ZNF215: variants seen among roughly 807,000 people sequenced by gnomAD.
ZNF215 encodes zinc finger protein 215.
A neutral mutation model predicts 27.2 loss-of-function variants in ZNF215; 24 were observed. The ratio of observed to expected loss-of-function variants is 0.88; its 90% confidence interval spans 0.64 to 1.24. ZNF215 has a LOEUF of 1.24. ZNF215 is among the 50% of genes most tolerant of loss of function. The probability of loss-of-function intolerance (pLI) is 0.00; values close to 1 mark genes in which losing one functional copy is unlikely to be tolerated. For synonymous variants in ZNF215, 210 were observed against 204.0 expected (o/e 1.03, Z -0.25); for missense variants, 675 against 605.7 (o/e 1.11, Z -1.20).
chr11:6,984,842 A>G (rs1181279209), downstream of ZNF215, among the ~76,000 whole-genome samples: 3 of 91,514 alleles, frequency 3.3e-5, no homozygotes, highest in East Asian at 6.0e-4. Context: ...TTTCTCTTAT[A>G]GAAATAAAAA....
chr11:6,981,769 T>C (rs1209508438), intron 5 of ZNF215, among the ~76,000 whole-genome samples: 1 of 152,170 alleles, frequency 6.6e-6, no homozygotes, highest in Non-Finnish European at 1.5e-5. Flanking sequence ...TTAATCCATC[T>C]TGAATTAATT....
intron 6 of ZNF215, among the ~76,000 whole-genome samples, chr11:6,944,887 C>T (rs1270009458): frequency 6.6e-6 from 1 of 152,082 alleles, no homozygotes; most frequent in Non-Finnish European, 1.5e-5. Context: ...AATGTGGTTT[C>T]TAATTCCCAT....
At chr11:6,941,474 A>G (rs1218285077) in intron 3 of ZNF215, 97 bp from the exon 4 acceptor site, 1 of 1,065,652 alleles carries the variant, frequency 9.4e-7, no homozygotes, top group African/African-American at 1.6e-5. Flanking sequence ...AGTTCTATGG[A>G]TAATTCCTGT....
At position 6,941,675 on chromosome 11, in the gene ZNF215, T is replaced by C. The variant is rs535285756; in HGVS notation, c.483+22T>C. The C allele has an allele frequency of 1.6e-5, 26 of 1,612,432 alleles. No individual in the cohort carries two copies. The African/African-American group carries it at 2.5e-4, about 16-fold the overall frequency. ...ACAGGTGAATTAGGATTCTAGTCTT[T>C]ACTGAACACATATGCTCATTTTTAG... is the stretch of plus-strand genomic sequence containing the variant. On this transcript the variant is annotated intron_variant, in intron 4 of 6. Coordinates refer to ENST00000278319, the MANE Select transcript of ZNF215 (RefSeq NM_013250.4).
downstream of ZNF215, among the ~76,000 whole-genome samples, chr11:6,960,224 T>C (rs1232378047): frequency 6.6e-6 from 1 of 152,096 alleles, no homozygotes; most frequent in African/African-American, 2.4e-5. Flanking sequence ...GGAATGCAAA[T>C]AATTACTAAC....
intron 1 of ZNF215, among the ~76,000 whole-genome samples, chr11:6,927,109 GA>G (rs1849080138): frequency 6.6e-6 from 1 of 150,900 alleles, no homozygotes. Context: ...GCTGGTTTGG[GA>G]ATGGCTGGTA....
intron 6 of ZNF215, among the ~76,000 whole-genome samples, chr11:6,954,083 G>A (rs1043962594): frequency 2.6e-5 from 4 of 152,110 alleles, no homozygotes; most frequent in African/African-American, 4.8e-5. Flanking sequence ...CTGTCTGATC[G>A]TTTCTCTGGA....
At position 6,956,573 on chromosome 11, in the gene ZNF215, A is replaced by T; in HGVS notation, c.*42A>T. 6.6e-7 allele frequency: 1 copy of T among 1,511,624 alleles called. No individual in the cohort carries two copies. Among genetic ancestry groups the T allele is most frequent in the Non-Finnish European group, 8.8e-7 (1 of 1,138,062 alleles). The allele number at this position is 1,511,624 out of a possible 1,614,324, so 93.6% of individuals were successfully genotyped here. On this transcript the variant is annotated 3_prime_UTR_variant, in exon 7 of 7. Coordinates refer to ENST00000278319, the MANE Select transcript of ZNF215 (RefSeq NM_013250.4). ...AGATTACCTTCAGTCAGAATGCAGA[A>T]CTCATTTAACATCATGAATTTATGC...
Position 6,956,394 on chromosome 11 carries a change from C to T in ZNF215, c.1417C>T (p.Arg473Trp), listed in dbSNP as rs201971317. 46 of 1,613,990 alleles carry T rather than the reference C, an allele frequency of 2.9e-5. No individual in the cohort carries two copies. The highest frequency in any genetic ancestry group is 3.5e-5 in the Non-Finnish European group (41 of 1,180,030). Reference protein sequence around the residue: ...QCVNCGKSFNRSSSLIRHQMI... With the variant: ...QCVNCGKSFNWSSSLIRHQMI... ...TGTTAACTGTGGAAAATCCTTCAAC[C>T]GGAGCTCCTCTCTTATTCGACACCA... The change falls in exon 7 of 7, where the codon CGG (arginine) becomes TGG (tryptophan). Residue 473 changes from arginine (R) to tryptophan (W), a missense_variant. By Grantham distance (101) the Arg-to-Trp change is moderately radical. Coordinates refer to ENST00000278319, the MANE Select transcript of ZNF215 (RefSeq NM_013250.4).
At chr11:6,926,900 G>C (rs965418798) in intron 1 of ZNF215, 2 of 151,868 alleles carry the variant, frequency 1.3e-5, no homozygotes, top group Non-Finnish European at 2.9e-5. Flanking sequence ...GCGAGCTGAC[G>C]GGAGGGATGG....
chr11:6,951,476 C>A (rs144152707), intron 6 of ZNF215, among the ~76,000 whole-genome samples: 1 of 152,076 alleles, frequency 6.6e-6, no homozygotes, highest in African/African-American at 2.4e-5. Context: ...GTGTATGTGT[C>A]GAGGAATTTA....
chr11:6,976,941 G>A (rs905930949), intron 5 of ZNF215, among the ~76,000 whole-genome samples: 3 of 152,070 alleles, frequency 2.0e-5, no homozygotes, highest in South Asian at 4.1e-4. Flanking sequence ...TGGCAGCATC[G>A]TGCTGTCTCT....
At chr11:6,987,585 A>T (rs1278883217), downstream of ZNF215, among the ~76,000 whole-genome samples, 1 of 152,212 alleles carries the variant, frequency 6.6e-6, no homozygotes, top group Non-Finnish European at 1.5e-5. Flanking sequence ...GGCATCTGGT[A>T]TGTATATCTA....
At chr11:6,983,606 T>C (rs1851005072) in intron 5 of ZNF215, among the ~76,000 whole-genome samples, 2 of 152,146 alleles carry the variant, frequency 1.3e-5, no homozygotes, top group Admixed American at 6.5e-5. Flanking sequence ...ATATGAGAAC[T>C]AAAATAATTT....
At chr11:6,950,791 G>C (rs1337581037) in intron 6 of ZNF215, among the ~76,000 whole-genome samples, 4 of 147,884 alleles carry the variant, frequency 2.7e-5, no homozygotes, top group African/African-American at 7.5e-5. Flanking sequence ...TGGTGAGAGA[G>C]GGCATCCCTG....
At chr11:6,954,592 G>A (rs931008292) in intron 6 of ZNF215, among the ~76,000 whole-genome samples, 21 of 152,204 alleles carry the variant, frequency 1.4e-4, no homozygotes, top group African/African-American at 9.7e-5. Context: ...TCGGGAAAGC[G>A]CAGTATTAGG....
chr11:6,993,524 C>T (rs1851142193), downstream of ZNF215, among the ~76,000 whole-genome samples: 1 of 150,928 alleles, frequency 6.6e-6, no homozygotes, highest in South Asian at 2.1e-4. Flanking sequence ...GTTTTTATAC[C>T]CCCTCTCACT....
chr11:6,949,243 T>C (rs1849951056), intron 6 of ZNF215, among the ~76,000 whole-genome samples: 1 of 152,210 alleles, frequency 6.6e-6, no homozygotes, highest in South Asian at 2.1e-4. Flanking sequence ...GCATGATTTA[T>C]AATCCTTTGG....
chr11:6,943,175 G>A lies in ZNF215; in HGVS notation c.576G>A (p.Val192=). ...DSAVKNLYRN[V]MLENFRNLNS... ...CTGTAAAGAACCTGTACAGGAATGT[G>A]ATGCTGGAAAACTTTAGGAACCTGA... Residue 192 remains valine, a synonymous_variant, in exon 5 of 7, where the codon GTG becomes GTA. Coordinates refer to ENST00000278319, the MANE Select transcript of ZNF215 (RefSeq NM_013250.4). 1 of 1,613,750 alleles carries A rather than the reference G, an allele frequency of 6.2e-7. No homozygotes were observed. The highest frequency in any genetic ancestry group is 8.5e-7 in the Non-Finnish European group (1 of 1,179,888).
Sources: gnomAD v4.1 joint callset for allele counts (sites outside exome capture counted in the v4.1 genomes callset) on GRCh38, gnomAD v4.1.1 for gene constraint, MANE v1.5 for transcripts, NCBI Gene and HGNC (gene_info 2026-07-23, HGNC 2026-07-21) for gene names.